GLCCI1: variants seen among roughly 807,000 people sequenced by gnomAD.
The protein encoded by GLCCI1 is glucocorticoid induced 1.
A neutral mutation model predicts 52.2 loss-of-function variants in GLCCI1; 24 were observed. That is an observed-to-expected ratio of 0.46 (90% confidence interval 0.33 to 0.65). GLCCI1 has a LOEUF of 0.65. Among genes scored for constraint, GLCCI1 ranks in the 30% least tolerant of loss-of-function variants. The pLI is 0.02. For missense variants in GLCCI1, 704 were observed against 701.5 expected (o/e 1.00, Z -0.04); for synonymous variants, 310 against 276.5 (o/e 1.12, Z -1.20).
chr7:8,040,018 A>C (rs6964301), intron 3 of GLCCI1, among the ~76,000 whole-genome samples: 93,926 of 147,776 alleles, frequency 0.64, 30,070 homozygotes, highest in Admixed American at 0.69. Context: ...AAAAAAGAAG[A>C]AGCCCAGGCT....
chr7:8,064,407 G>T (rs1428064222), intron 5 of GLCCI1, among the ~76,000 whole-genome samples: 4 of 152,132 alleles, frequency 2.6e-5, no homozygotes, highest in African/African-American at 9.7e-5. Context: ...AAGAACAGAT[G>T]GTTACAGGTG....
intron 7 of GLCCI1, among the ~76,000 whole-genome samples, chr7:8,085,468 T>G (rs1170040268): frequency 6.6e-6 from 1 of 152,202 alleles, no homozygotes; most frequent in Non-Finnish European, 1.5e-5. Context: ...TTCATGAAAT[T>G]TTAATATGTG....
intron 5 of GLCCI1, among the ~76,000 whole-genome samples, chr7:8,065,115 G>T (rs932909738): frequency 3.3e-5 from 5 of 152,112 alleles, no homozygotes; most frequent in African/African-American, 1.2e-4. Context: ...GCAGTGGTTT[G>T]TAATTCTCAT....
rs778209320 is a variant in GLCCI1 at position 7,969,346 on chromosome 7, C to T, written c.-5C>T. On this transcript the variant is annotated 5_prime_UTR_variant, in exon 1 of 8. Transcript: ENST00000223145. This position sits in a 1 kb window ranked among gnomAD's most constrained non-coding sequence, Gnocchi z 4.9. ...CCGGCGGCGTCCAGGGCCCGCAGAG[C>T]CACCATGTCCACTGCCTCCTCCTCC... The T allele has an allele frequency of 6.8e-7, 1 of 1,480,638 alleles. No individual in the cohort carries two copies. Among genetic ancestry groups the T allele is most frequent in the South Asian group, 1.2e-5 (1 of 81,130 alleles). 91.7% of individuals were successfully genotyped at this position (1,480,638 alleles called of 1,614,324 possible).
intron 5 of GLCCI1, among the ~76,000 whole-genome samples, chr7:8,061,035 A>G (rs548831521): frequency 1.3e-5 from 2 of 151,108 alleles, no homozygotes; most frequent in South Asian, 4.2e-4. Context: ...GTGATATATC[A>G]TTGTGGTGTT....
chr7:8,073,277 A>G (rs545188496), intron 6 of GLCCI1, among the ~76,000 whole-genome samples: 10 of 152,238 alleles, frequency 6.6e-5, no homozygotes, highest in African/African-American at 1.2e-4. Context: ...TAGTTTCCCT[A>G]ATCCTTTCAG....
Position 8,083,505 on chromosome 7 carries a change from C to T in GLCCI1, c.1178-1392C>T, listed in dbSNP as rs115974802. 5.1e-3 allele frequency among the ~76,000 whole-genome samples: 773 copies of T among 152,272 alleles called. 7 individuals are homozygous for T. The highest frequency in any genetic ancestry group is 0.018 in the African/African-American group (734 of 41,562). On this transcript the variant is annotated intron_variant, in intron 6 of 7. Coordinates refer to ENST00000223145, the MANE Select transcript of GLCCI1 (RefSeq NM_138426.4). ...AACCTGAGACAATCCTATTCCTCCTCCTTCCTCCCATTTGTTCATGCAAGA... is the reference window on the plus strand; with the variant it reads ...AACCTGAGACAATCCTATTCCTCCTTCTTCCTCCCATTTGTTCATGCAAGA...
intron 1 of GLCCI1, among the ~76,000 whole-genome samples, chr7:7,993,816 A>G (rs1483511863): frequency 6.6e-6 from 1 of 152,136 alleles, no homozygotes; most frequent in Non-Finnish European, 1.5e-5. Flanking sequence ...ATTTTAAGTC[A>G]AATATGCATT....
intron 1 of GLCCI1, among the ~76,000 whole-genome samples, chr7:8,001,575 C>T (rs1369740043): frequency 6.6e-6 from 1 of 152,174 alleles, no homozygotes; most frequent in Non-Finnish European, 1.5e-5. Context: ...ACTAAAAATA[C>T]CATTTGACCC....
chr7:8,051,394 A>G (rs1584001493), intron 3 of GLCCI1, among the ~76,000 whole-genome samples: 1 of 152,344 alleles, frequency 6.6e-6, no homozygotes, highest in East Asian at 1.9e-4. Context: ...ATTTCCTACT[A>G]AGAACCTTAG....
At chr7:8,004,235 C>T (rs1781103326) in intron 2 of GLCCI1, 176 bp downstream of exon 2, 1 of 570,616 alleles carries the variant, frequency 1.8e-6, no homozygotes. Context: ...TGTCATCTGG[C>T]TTTTAGAAGT....
intron 3 of GLCCI1, among the ~76,000 whole-genome samples, chr7:8,032,212 A>G (rs1028612018): frequency 6.6e-6 from 1 of 152,056 alleles, no homozygotes; most frequent in Non-Finnish European, 1.5e-5. Flanking sequence ...AATATTTTCA[A>G]TTGAGTGAAA....
intron 2 of GLCCI1, among the ~76,000 whole-genome samples, chr7:8,004,934 C>T (rs951817398): frequency 2.6e-5 from 4 of 152,170 alleles, no homozygotes; most frequent in East Asian, 3.8e-4. Flanking sequence ...CTGTAAAACT[C>T]TGCTTCTCAG....
At chr7:7,977,101 C>T (rs961153490) in intron 1 of GLCCI1, among the ~76,000 whole-genome samples, 1 of 151,930 alleles carries the variant, frequency 6.6e-6, no homozygotes, top group African/African-American at 2.4e-5. Flanking sequence ...GTGAATAGTC[C>T]GTATAGCTAA....
rs1248346173 is a variant in GLCCI1, at chr7:7,969,305, C to T, written c.-46C>T. 3 of 1,387,572 alleles carry T rather than the reference C, an allele frequency of 2.2e-6. No homozygotes were observed. The highest frequency in any genetic ancestry group is 3.2e-5 in the East Asian group (1 of 31,680). The allele number at this position is 1,387,572 out of a possible 1,614,324, so 86.0% of individuals were successfully genotyped here. A position where few individuals can be genotyped will look rare whatever the true frequency, so the allele number is the denominator to read the frequency against. ...CCACACGCTCGCGCGCCTCCCGCCC[C>T]GCGCCTCCGTGTCGGCCGGCGGCGT... On this transcript the variant is annotated 5_prime_UTR_variant, in exon 1 of 8. Coordinates refer to ENST00000223145, the MANE Select transcript of GLCCI1 (RefSeq NM_138426.4). This position sits in a 1 kb window ranked among gnomAD's most constrained non-coding sequence, Gnocchi z 4.9.
At chr7:8,012,093 G>A (rs149303885) in intron 2 of GLCCI1, among the ~76,000 whole-genome samples, 1 of 151,438 alleles carries the variant, frequency 6.6e-6, no homozygotes, top group South Asian at 2.1e-4. Context: ...AGGATTACAG[G>A]CATGAGTCAC....
At chr7:8,083,702 A>G (rs762919299) in intron 6 of GLCCI1, among the ~76,000 whole-genome samples, 1 of 151,600 alleles carries the variant, frequency 6.6e-6, no homozygotes, top group Non-Finnish European at 1.5e-5. Context: ...TCCCAATAGT[A>G]TAACGTTATT....
chr7:8,050,209 G>A (rs966961118), intron 3 of GLCCI1, among the ~76,000 whole-genome samples: 3 of 152,072 alleles, frequency 2.0e-5, no homozygotes, highest in Non-Finnish European at 4.4e-5. Flanking sequence ...GACCCTCCCT[G>A]TGTATATGTA....
chr7:8,017,095 G>A (rs753479667), intron 2 of GLCCI1, among the ~76,000 whole-genome samples: 13 of 152,120 alleles, frequency 8.5e-5, no homozygotes, highest in Non-Finnish European at 1.6e-4. Flanking sequence ...CAAATCTATA[G>A]GTTCATGTGC....
Sources: allele counts gnomAD v4.1 joint callset (sites outside exome capture counted in the v4.1 genomes callset), GRCh38; gene constraint gnomAD v4.1.1; non-coding constraint Gnocchi (gnomAD v3.1); transcripts MANE v1.5; gene names NCBI Gene and HGNC (gene_info 2026-07-23, HGNC 2026-07-21).